COL4A2: variants seen among roughly 807,000 people sequenced by gnomAD.
COL4A2 encodes collagen type IV alpha 2 chain, also known as collagen alpha-2(IV) chain.
Under a neutral mutation model 200.2 loss-of-function variants are expected in COL4A2, and 99 were observed. The ratio of observed to expected loss-of-function variants is 0.49; its 90% CI spans 0.42 to 0.58. The LOEUF (loss-of-function observed/expected upper bound fraction) is 0.58, where lower values mean the gene tolerates loss of function less well. Ranked by LOEUF, COL4A2 falls within the 20% of genes least tolerant of loss-of-function variation. COL4A2 has a pLI of 0.00. For synonymous variants in COL4A2, 897 were observed against 900.6 expected (o/e 1.00, Z 0.07); for missense variants, 1,950 against 2,314.1 (o/e 0.84, Z 3.23).
At chr13:110,333,647 G>A (rs1041447069) in intron 3 of COL4A2, among the ~76,000 whole-genome samples, 13 of 152,204 alleles carry the variant, frequency 8.5e-5, no homozygotes, top group Non-Finnish European at 1.9e-4. Flanking sequence ...GACCGCTCAC[G>A]AACCGTGGTC....
intron 9 of COL4A2, 52 bp downstream of exon 9, chr13:110,430,488 G>A (rs755628265): frequency 1.1e-5 from 17 of 1,614,088 alleles, no homozygotes; most frequent in Non-Finnish European, 1.4e-5. Context: ...AAGAGCTTCA[G>A]AACTCCAAGT....
chr13:110,458,285 A>C (rs1881856975), intron 21 of COL4A2: 3 of 376,434 alleles, frequency 8.0e-6, no homozygotes, highest in Non-Finnish European at 1.6e-5. Context: ...CCCTGGGTTC[A>C]GCTGTGGCAA....
At chr13:110,479,384 A>G (rs9521802) in intron 30 of COL4A2, among the ~76,000 whole-genome samples, 151,871 of 151,988 alleles carry the variant, frequency 1, 75,877 homozygotes, top group Middle Eastern at 1. Context: ...GGGGAGAAGT[A>G]CCTGGTGCCA....
In COL4A2 at chr13:110,489,755, A is replaced by C. The variant is rs1883223864; in HGVS notation, c.3316A>C (p.Lys1106Gln). ...AAATTTACCAGGAAGACCAGGCCTG[A>C]AGGGGGAGCGGGGCACCACTGGAAT... is the stretch of plus-strand genomic sequence containing the variant. ...TINLPGRPGL[K>Q]GERGTTGIPG... The change falls in exon 36 of 48, where the codon AAG becomes CAG. Residue 1106 changes from lysine to glutamine, a missense_variant. Lys to Gln is a moderately conservative substitution (Grantham distance 53). Coordinates refer to ENST00000360467, the MANE Select transcript of COL4A2 (RefSeq NM_001846.4). The C allele has an allele frequency of 6.2e-7, 1 of 1,613,154 alleles. No homozygotes were observed. Among genetic ancestry groups the C allele is most frequent in the Admixed American group, 1.7e-5 (1 of 59,836 alleles).
intron 4 of COL4A2, among the ~76,000 whole-genome samples, chr13:110,416,564 G>T (rs1182647455): frequency 6.6e-6 from 1 of 152,212 alleles, no homozygotes; most frequent in Non-Finnish European, 1.5e-5. Flanking sequence ...AAAAGCCATT[G>T]AGCACAACCA....
chr13:110,319,395 C>G (rs1383895161), intron 3 of COL4A2, among the ~76,000 whole-genome samples: 1 of 152,114 alleles, frequency 6.6e-6, no homozygotes, highest in Non-Finnish European at 1.5e-5. Context: ...CCATGAGATG[C>G]AAGTATAATT....
intron 20 of COL4A2, among the ~76,000 whole-genome samples, chr13:110,454,820 C>T (rs1467750139): frequency 6.6e-6 from 1 of 152,156 alleles, no homozygotes; most frequent in African/African-American, 2.4e-5. Context: ...TAACAGAAAC[C>T]GTTAACTCGA....
intron 4 of COL4A2, among the ~76,000 whole-genome samples, chr13:110,365,728 T>G (rs1244486410): frequency 6.6e-6 from 1 of 152,218 alleles, no homozygotes; most frequent in Non-Finnish European, 1.5e-5. Flanking sequence ...CCTCCCCGGT[T>G]CATTGACTCC....
At chr13:110,505,707 C>T (rs926935778) in intron 45 of COL4A2, among the ~76,000 whole-genome samples, 7 of 152,186 alleles carry the variant, frequency 4.6e-5, no homozygotes, top group African/African-American at 9.7e-5. Flanking sequence ...GGAGGCTGCA[C>T]GCAGAAAGAA....
intron 4 of COL4A2, among the ~76,000 whole-genome samples, chr13:110,404,268 A>G (rs1242566818): frequency 1.3e-5 from 2 of 152,230 alleles, no homozygotes; most frequent in Non-Finnish European, 2.9e-5. Context: ...TTCTGGGTCA[A>G]TTGAGCTGTT....
rs539533560 is a variant in COL4A2 at position 110,362,813 on chromosome 13, A to AGCTTT, written c.180+5271_180+5275dup. Among the ~76,000 whole-genome samples, 16 of 152,330 alleles carry AGCTTT rather than the reference A, an allele frequency of 1.1e-4. No homozygotes were observed. The South Asian group carries it at 3.3e-3, about 32-fold the overall frequency. ...GGAAATCGGAGTCAACAAATAAGAC[A>AGCTTT]GCTTTGCTTTGCTTGTTAACTCACC... On this transcript the variant is annotated intron_variant, in intron 4 of 47. Coordinates refer to ENST00000360467, the MANE Select transcript of COL4A2 (RefSeq NM_001846.4).
At chr13:110,401,949 C>G (rs1203890463) in intron 4 of COL4A2, among the ~76,000 whole-genome samples, 2 of 152,150 alleles carry the variant, frequency 1.3e-5, no homozygotes, top group East Asian at 3.9e-4. Flanking sequence ...GGACATCACT[C>G]TAATGACCTA....
rs367984136 is a variant in COL4A2 at position 110,308,113 on chromosome 13, G to C, written c.89G>C (p.Ser30Thr). 12 of 1,613,788 alleles carry C rather than the reference G, an allele frequency of 7.4e-6. No homozygotes were observed. The highest frequency in any genetic ancestry group is 8.5e-6 in the Non-Finnish European group (10 of 1,180,032). Residue 30 changes from serine (S) to threonine (T), a missense_variant, in exon 3 of 48, where the codon AGC (serine) becomes ACC (threonine). Ser to Thr is a moderately conservative substitution (Grantham distance 58). This residue lies in a region of COL4A2 where 565 missense variants were observed against 593.5 expected (regional missense o/e 0.95). Coordinates refer to ENST00000360467, the MANE Select transcript of COL4A2 (RefSeq NM_001846.4). Reference sequence around the variant, plus strand: ...GTGACCGTGGGGTTCCTCGCCCAGAGCGTCTTGGCGGTAAGTCCTGGCTCC... The same window carrying C: ...GTGACCGTGGGGTTCCTCGCCCAGACCGTCTTGGCGGTAAGTCCTGGCTCC... ...GTVTVGFLAQ[S>T]VLAGVKKFDV... is the part of the protein sequence containing the mutation.
At chr13:110,313,433 G>T (rs1004290059) in intron 3 of COL4A2, among the ~76,000 whole-genome samples, 1 of 151,962 alleles carries the variant, frequency 6.6e-6, no homozygotes, top group Non-Finnish European at 1.5e-5. Flanking sequence ...AAGGACGTGC[G>T]AGCAGCCGGC....
At chr13:110,323,064 ACT>A (rs1885316906) in intron 3 of COL4A2, among the ~76,000 whole-genome samples, 2 of 152,242 alleles carry the variant, frequency 1.3e-5, no homozygotes, top group Admixed American at 1.3e-4. Context: ...CAGCCTGGGC[ACT>A]GTTGCACAGT....
chr13:110,446,987 A>C (rs1881351543), intron 18 of COL4A2, 123 bp downstream of exon 18: 1 of 579,488 alleles, frequency 1.7e-6, no homozygotes, highest in Non-Finnish European at 2.6e-6. Flanking sequence ...AAGTATAATA[A>C]TAATAAAAAA....
intron 21 of COL4A2, 62 bp downstream of exon 21, chr13:110,457,497 C>A: frequency 2.0e-6 from 2 of 978,248 alleles, no homozygotes; most frequent in South Asian, 1.3e-5. Flanking sequence ...CCTCACCTTA[C>A]AGAAGGTGAA....
chr13:110,334,039 G>T (rs1461449962), intron 3 of COL4A2, among the ~76,000 whole-genome samples: 8 of 152,216 alleles, frequency 5.3e-5, no homozygotes, highest in Non-Finnish European at 7.3e-5. Context: ...GCTGAGTTCG[G>T]CTGGATGGCA....
At chr13:110,461,939 TG>T in intron 22 of COL4A2, 174 bp from the exon 23 acceptor site, 1 of 896,390 alleles carries the variant, frequency 1.1e-6, no homozygotes, top group South Asian at 1.7e-5. Context: ...GGCCCCACAC[TG>T]GACAGCTGGA....
Sources: allele counts gnomAD v4.1 joint callset (sites outside exome capture counted in the v4.1 genomes callset), GRCh38; gene constraint gnomAD v4.1.1; regional missense constraint gnomAD v4.1.1; transcripts MANE v1.5; gene names NCBI Gene and HGNC (gene_info 2026-07-23, HGNC 2026-07-21).